CDC123: variants seen among roughly 807,000 people sequenced by gnomAD.
The protein encoded by CDC123 is cell division cycle 123.
Under a neutral mutation model 54.4 loss-of-function variants are expected in CDC123, and 37 were observed. The ratio of observed to expected loss-of-function variants is 0.68; its 90% CI spans 0.52 to 0.89. The LOEUF (loss-of-function observed/expected upper bound fraction) is 0.89. Among genes scored for constraint, CDC123 ranks in the 40% least tolerant of loss-of-function variants. CDC123 has a pLI of 0.00. For synonymous variants in CDC123, 144 were observed against 136.8 expected (o/e 1.05, Z -0.37); for missense variants, 361 against 412.1 (o/e 0.88, Z 1.07).
chr10:12,238,522 G>C, intron 10 of CDC123, 37 bp downstream of exon 10: 1 of 1,599,080 alleles, frequency 6.3e-7, no homozygotes, highest in Non-Finnish European at 8.5e-7. Flanking sequence ...TTTAATATAA[G>C]AGCTGGTTTT....
chr10:12,201,670 T>G (rs75705666), intron 2 of CDC123, among the ~76,000 whole-genome samples: 1,855 of 152,206 alleles, frequency 0.012, 37 homozygotes, highest in African/African-American at 0.042. Context: ...GGGGTGTGTG[T>G]GGGAGTCATG....
intron 6 of CDC123, among the ~76,000 whole-genome samples, chr10:12,219,346 T>G (rs1283007201): frequency 6.6e-6 from 1 of 152,048 alleles, no homozygotes; most frequent in Non-Finnish European, 1.5e-5. Flanking sequence ...GTGTGTGTGG[T>G]GTGTGTCTGT....
chr10:12,224,676 C>T (rs781269448), intron 6 of CDC123, among the ~76,000 whole-genome samples: 21 of 152,146 alleles, frequency 1.4e-4, no homozygotes, highest in Non-Finnish European at 2.2e-4. Context: ...TTGAATACCA[C>T]GTTCTTTTGG....
In CDC123 at chr10:12,210,282, T is replaced by C. The variant is rs922846550; in HGVS notation, c.205-8T>C. ...TAATGTTTTATTTTTTTCCTCTTTT[T>C]CATGCAGTGGTCTGATGATGAGAAC... On this transcript the variant is annotated splice_polypyrimidine_tract_variant and splice_region_variant and intron_variant, in intron 3 of 12. Transcript: ENST00000281141. 2 of 1,614,084 alleles carry C rather than the reference T, an allele frequency of 1.2e-6. No homozygotes were observed. The highest frequency in any genetic ancestry group is 3.3e-5 in the Admixed American group (2 of 59,980).
Position 12,230,951 on chromosome 10 carries a change from T to C in CDC123, c.444T>C (p.Phe148=). ...GCCTTTTCTTCTTCTTCCAAAGGTT[T>C]ATTCATTGTACTGATGATTCTCCAG... ...DFITRDFTQP[F]IHCTDDSPDP... Residue 148 remains phenylalanine (F), a synonymous_variant, in exon 7 of 13, where the codon TTT becomes TTC. Coordinates refer to ENST00000281141, the MANE Select transcript of CDC123 (RefSeq NM_006023.3). The C allele has an allele frequency of 6.2e-7, 1 of 1,611,938 alleles. No homozygotes were observed. The highest frequency in any genetic ancestry group is 8.5e-7 in the Non-Finnish European group (1 of 1,179,428).
intron 2 of CDC123, among the ~76,000 whole-genome samples, chr10:12,200,378 A>G (rs933720463): frequency 1.3e-5 from 2 of 149,234 alleles, no homozygotes; most frequent in East Asian, 2.0e-4. Flanking sequence ...CACCTGCTTC[A>G]GCCTCCCAAA....
intron 9 of CDC123, among the ~76,000 whole-genome samples, chr10:12,238,012 C>A (rs1403790964): frequency 6.6e-6 from 1 of 152,156 alleles, no homozygotes; most frequent in Non-Finnish European, 1.5e-5. Context: ...CAAGACTGGG[C>A]TCTGTGGCAG....
intron 6 of CDC123, among the ~76,000 whole-genome samples, chr10:12,219,404 T>C (rs140896504): frequency 7.2e-5 from 11 of 152,274 alleles, no homozygotes; most frequent in Non-Finnish European, 1.6e-4. Context: ...GGTCTCACTA[T>C]GTTGCCCAAG....
At chr10:12,199,222 C>T (rs1321342804) in intron 2 of CDC123, among the ~76,000 whole-genome samples, 1 of 152,154 alleles carries the variant, frequency 6.6e-6, no homozygotes, top group Non-Finnish European at 1.5e-5. Flanking sequence ...CAGGTAGTTT[C>T]CCTATTTATA....
At chr10:12,226,805 C>T (rs1835825544) in intron 6 of CDC123, among the ~76,000 whole-genome samples, 1 of 151,648 alleles carries the variant, frequency 6.6e-6, no homozygotes, top group African/African-American at 2.4e-5. Context: ...CCTCACATCC[C>T]AGACGATGGG....
intron 7 of CDC123, among the ~76,000 whole-genome samples, chr10:12,234,592 AGTT>A (rs1835953938): frequency 6.6e-6 from 1 of 152,096 alleles, no homozygotes; most frequent in South Asian, 2.1e-4. Context: ...TGTGGTGAAA[AGTT>A]GTGACTACAT....
intron 5 of CDC123, among the ~76,000 whole-genome samples, chr10:12,216,393 G>A (rs994164412): frequency 5.3e-5 from 8 of 152,136 alleles, no homozygotes; most frequent in East Asian, 3.8e-4. Context: ...AATTTCAAAA[G>A]TTATCTCATG....
intron 4 of CDC123, 66 bp from the exon 5 acceptor site, chr10:12,215,674 T>G: frequency 5.9e-6 from 5 of 852,880 alleles, no homozygotes; most frequent in Admixed American, 2.9e-5. Context: ...CTTGAGATTT[T>G]GATCTTGTTT....
At chr10:12,220,804 C>G (rs749204984) in intron 6 of CDC123, among the ~76,000 whole-genome samples, 3 of 152,036 alleles carry the variant, frequency 2.0e-5, no homozygotes, top group Non-Finnish European at 2.9e-5. Context: ...GGTGAAACCC[C>G]GTCTCTACTG....
chr10:12,197,202 G>A (rs1024215471), intron 1 of CDC123, among the ~76,000 whole-genome samples: 6 of 152,062 alleles, frequency 3.9e-5, no homozygotes, highest in African/African-American at 7.3e-5. Context: ...ACTTAGGAAG[G>A]CTTATTTGTA....
chr10:12,230,144 A>G (rs1835879550), intron 6 of CDC123, among the ~76,000 whole-genome samples: 1 of 151,668 alleles, frequency 6.6e-6, no homozygotes, highest in Non-Finnish European at 1.5e-5. Context: ...TTGTGGGTAC[A>G]TAGTAAGTGT....
intron 4 of CDC123, 108 bp downstream of exon 4, chr10:12,210,430 T>G: frequency 3.8e-6 from 5 of 1,314,806 alleles, no homozygotes; most frequent in African/African-American, 1.5e-5. Context: ...AGTCACCATC[T>G]CATATATTAT....
intron 6 of CDC123, among the ~76,000 whole-genome samples, chr10:12,219,811 A>T (rs35674932): frequency 0.25 from 38,451 of 151,618 alleles, 5,193 homozygotes; most frequent in East Asian, 0.54. Context: ...CAGCCTCCCA[A>T]GTAGCTGGGA....
chr10:12,226,777 C>T (rs573461358), intron 6 of CDC123, among the ~76,000 whole-genome samples: 9 of 151,458 alleles, frequency 5.9e-5, no homozygotes, highest in South Asian at 2.1e-4. Context: ...CCAGACTGGG[C>T]GGCCAGGCAG....
Sources: allele counts gnomAD v4.1 joint callset (sites outside exome capture counted in the v4.1 genomes callset), GRCh38; gene constraint gnomAD v4.1.1; transcripts MANE v1.5; gene names NCBI Gene and HGNC (gene_info 2026-07-23, HGNC 2026-07-21).